Variants in FHIT observed in about 807,000 individuals in gnomAD.
The protein encoded by FHIT is bis(5'-adenosyl)-triphosphatase.
FHIT carries 19 observed loss-of-function variants against 17.9 expected under a neutral mutation model. The observed-to-expected ratio is 1.06, with a 90% CI of 0.74 to 1.56. FHIT has a LOEUF of 1.56. Among genes scored for constraint, FHIT ranks in the 40% most tolerant of loss-of-function variants. FHIT has a pLI of 0.00. For missense variants in FHIT, 248 were observed against 189.2 expected, an observed-to-expected ratio of 1.31 and a Z score of -1.82; for synonymous variants, 81 against 69.7, an observed-to-expected ratio of 1.16 and a Z score of -0.81.
At chr3:59,792,069 T>C (rs1476267063) in intron 8 of FHIT, among the ~76,000 whole-genome samples, 1 of 150,090 alleles carries the variant, frequency 6.7e-6, no homozygotes, top group Non-Finnish European at 1.5e-5. Context: ...TATGGTAGTC[T>C]ATGTCTTGGT....
intron 5 of FHIT, among the ~76,000 whole-genome samples, chr3:60,298,507 A>T (rs1204683301): frequency 2.0e-5 from 3 of 152,160 alleles, no homozygotes; most frequent in African/African-American, 7.2e-5. Context: ...ATCTTCCAAC[A>T]CTGTGTTGAA....
chr3:59,818,158 A>C (rs1700668214), intron 8 of FHIT, among the ~76,000 whole-genome samples: 1 of 152,122 alleles, frequency 6.6e-6, no homozygotes, highest in South Asian at 2.1e-4. Context: ...GGAGGCAGAA[A>C]ACTTCAAAGC....
At position 60,643,402 on chromosome 3, in the gene FHIT, T is replaced by C. The variant is rs149259479; in HGVS notation, c.-17-106423A>G. Among the ~76,000 whole-genome samples the C allele has an allele frequency of 2.7e-3, 404 of 152,088 alleles. 1 individual carries two copies. The highest frequency in any genetic ancestry group is 9.4e-3 in the African/African-American group (388 of 41,472). On this transcript the variant is annotated intron_variant, in intron 4 of 9. Transcript: ENST00000492590. ...TTCTTCACAGAACTAGAAAAAACAATCCTAAAATTCATATGGAACCAAAAA... is the reference window on the plus strand; with the variant it reads ...TTCTTCACAGAACTAGAAAAAACAACCCTAAAATTCATATGGAACCAAAAA...
At chr3:59,974,661 C>T (rs757932704) in intron 7 of FHIT, among the ~76,000 whole-genome samples, 22 of 152,100 alleles carry the variant, frequency 1.4e-4, no homozygotes, top group Non-Finnish European at 2.6e-4. Context: ...CAACTTTATA[C>T]GTACCTAAAT....
At chr3:60,140,593 T>A in intron 5 of FHIT, among the ~76,000 whole-genome samples, 1 of 137,510 alleles carries the variant, frequency 7.3e-6, no homozygotes, top group African/African-American at 3.0e-5. Flanking sequence ...TTTTTTTTTT[T>A]TTGAGACAGA....
intron 5 of FHIT, among the ~76,000 whole-genome samples, chr3:60,357,659 C>A (rs1699730501): frequency 6.6e-6 from 1 of 152,116 alleles, no homozygotes; most frequent in Admixed American, 6.6e-5. Context: ...GAAGCTTAAT[C>A]CAACATGAAA....
intron 3 of FHIT, among the ~76,000 whole-genome samples, chr3:60,859,330 A>G (rs1429037687): frequency 1.3e-5 from 2 of 152,098 alleles, no homozygotes; most frequent in African/African-American, 4.8e-5. Context: ...AGAGCTTAAT[A>G]AATGTTAGAT....
At chr3:60,654,938 A>G (rs1317604241) in intron 4 of FHIT, among the ~76,000 whole-genome samples, 2 of 152,182 alleles carry the variant, frequency 1.3e-5, no homozygotes, top group Non-Finnish European at 2.9e-5. Context: ...TTGAGTGCCC[A>G]TATCTCATCC....
chr3:60,031,260 G>C (rs1700987958), intron 5 of FHIT, among the ~76,000 whole-genome samples: 1 of 152,230 alleles, frequency 6.6e-6, no homozygotes, highest in Non-Finnish European at 1.5e-5. Flanking sequence ...GGAGTTTTCT[G>C]TCAACCTGGG....
chr3:60,332,959 T>C (rs897952176), intron 5 of FHIT, among the ~76,000 whole-genome samples: 3 of 152,210 alleles, frequency 2.0e-5, no homozygotes, highest in African/African-American at 4.8e-5. Flanking sequence ...TTAGGAACAA[T>C]TTATTTAAAG....
intron 5 of FHIT, among the ~76,000 whole-genome samples, chr3:60,253,038 T>C (rs1326387251): frequency 2.6e-5 from 4 of 151,840 alleles, no homozygotes; most frequent in African/African-American, 9.7e-5. Flanking sequence ...TAAAAACAAA[T>C]AATAAAATAA....
chr3:61,123,047 T>C (rs1318825227), intron 2 of FHIT, among the ~76,000 whole-genome samples: 1 of 18,688 alleles, frequency 5.4e-5, no homozygotes, highest in Non-Finnish European at 9.6e-5. Context: ...TAAAGACATA[T>C]GCACATGTAT....
intron 4 of FHIT, among the ~76,000 whole-genome samples, chr3:60,583,898 A>C (rs1553660618): frequency 2.0e-5 from 3 of 152,136 alleles, no homozygotes. Context: ...CTCAGTAGTA[A>C]AAGTATCCCA....
intron 5 of FHIT, among the ~76,000 whole-genome samples, chr3:60,309,345 T>A (rs1162848927): frequency 6.6e-6 from 1 of 152,008 alleles, no homozygotes; most frequent in Non-Finnish European, 1.5e-5. Context: ...CATTTCCACT[T>A]CTGACACTTT....
intron 2 of FHIT, among the ~76,000 whole-genome samples, chr3:61,132,630 T>C (rs2036798549): frequency 1.3e-5 from 2 of 151,868 alleles, no homozygotes; most frequent in South Asian, 4.2e-4. Flanking sequence ...AAAAGAAGGA[T>C]AGAGAAACCC....
chr3:61,040,361 C>T (rs1174744993), intron 3 of FHIT, among the ~76,000 whole-genome samples: 1 of 152,126 alleles, frequency 6.6e-6, no homozygotes, highest in Non-Finnish European at 1.5e-5. Context: ...TCAGTGCAAA[C>T]CTTATTTTGC....
At chr3:60,922,754 C>A (rs1395698248) in intron 3 of FHIT, among the ~76,000 whole-genome samples, 1 of 152,150 alleles carries the variant, frequency 6.6e-6, no homozygotes, top group African/African-American at 2.4e-5. Context: ...ATCTTACCTT[C>A]TTTAAAGAAA....
chr3:59,850,448 G>C (rs1473657457), intron 8 of FHIT, among the ~76,000 whole-genome samples: 1 of 151,988 alleles, frequency 6.6e-6, no homozygotes, highest in Non-Finnish European at 1.5e-5. Context: ...TCAGACTCAG[G>C]GTAACCCTGA....
rs182420483 is a variant in FHIT, at chr3:60,579,062, C to G, written c.-17-42083G>C. ...ATGCACCTGCAAATTGTCCTTTCAC[C>G]CATCACTTGTAAGTAGTAGAGGAGC... On this transcript the variant is annotated intron_variant, in intron 4 of 9. Transcript: ENST00000492590. 2.8e-4 allele frequency among the ~76,000 whole-genome samples: 43 copies of G among 152,186 alleles called. No homozygotes were observed. In the East Asian group the frequency reaches 8.1e-3, roughly 29 times the overall value.
Sources: gnomAD v4.1 joint callset for allele counts (sites outside exome capture counted in the v4.1 genomes callset) on GRCh38, gnomAD v4.1.1 for gene constraint, MANE v1.5 for transcripts, NCBI Gene and HGNC (gene_info 2026-07-23, HGNC 2026-07-21) for gene names.